The following RBFOX1 variants were observed in gnomAD, a reference collection of about 807,000 sequenced individuals.
RBFOX1 encodes the protein RNA binding protein fox-1 homolog 1.
Under a neutral mutation model 57.7 loss-of-function variants are expected in RBFOX1, and 8 were observed. That is an observed-to-expected ratio of 0.14 (90% CI 0.08 to 0.25). RBFOX1 has a LOEUF of 0.25. Ranked by LOEUF, RBFOX1 falls within the 10% of genes least tolerant of loss-of-function variation. RBFOX1 has a pLI of 1.00. For missense variants in RBFOX1, 611 were observed against 548.5 expected, an observed-to-expected ratio of 1.11 and a Z score of -1.14; for synonymous variants, 326 against 222.4, an observed-to-expected ratio of 1.47 and a Z score of -4.15.
chr16:5,255,895 C>G (rs913094045), intron 1 of RBFOX1, among the ~76,000 whole-genome samples: 2 of 151,892 alleles, frequency 1.3e-5, no homozygotes, highest in Non-Finnish European at 2.9e-5. Flanking sequence ...GTTACAGAAA[C>G]TGTGCTTTGA....
At chr16:7,509,153 T>A (rs2074277011) in intron 4 of RBFOX1, among the ~76,000 whole-genome samples, 1 of 152,156 alleles carries the variant, frequency 6.6e-6, no homozygotes, top group Admixed American at 6.5e-5. Flanking sequence ...CGATAAGCCA[T>A]GAAAAGACAA....
chr16:6,607,484 C>A (rs751335612), intron 2 of RBFOX1, among the ~76,000 whole-genome samples: 5 of 145,714 alleles, frequency 3.4e-5, no homozygotes, highest in Non-Finnish European at 7.5e-5. Context: ...TCTCTCCTTA[C>A]TCTTTCTTCC....
At chr16:7,568,899 A>AC (rs1252637011) in intron 5 of RBFOX1, among the ~76,000 whole-genome samples, 3 of 151,122 alleles carry the variant, frequency 2.0e-5, no homozygotes, top group Admixed American at 2.0e-4. Flanking sequence ...AAAAAAAAAA[A>AC]AAAAAAAGAA....
At chr16:7,624,739 G>A (rs377661457) in intron 10 of RBFOX1, among the ~76,000 whole-genome samples, 5 of 152,082 alleles carry the variant, frequency 3.3e-5, no homozygotes, top group Admixed American at 1.3e-4. Context: ...TCCTTTCCTC[G>A]GCTGAGTGAC....
At chr16:6,423,014 A>G (rs1401784643) in intron 2 of RBFOX1, among the ~76,000 whole-genome samples, 1 of 152,244 alleles carries the variant, frequency 6.6e-6, no homozygotes, top group Non-Finnish European at 1.5e-5. Context: ...GCTGCATAGT[A>G]TTCCATGCTG....
At chr16:7,467,954 T>C (rs77093072) in intron 4 of RBFOX1, among the ~76,000 whole-genome samples, 6,264 of 152,322 alleles carry the variant, frequency 0.041, 412 homozygotes, top group African/African-American at 0.14. Context: ...AACAGGTTAT[T>C]GCTAAGAGGG....
chr16:7,217,026 TCCCTCC>T (rs2092189249), intron 4 of RBFOX1, among the ~76,000 whole-genome samples: 1 of 39,600 alleles, frequency 2.5e-5, no homozygotes, highest in African/African-American at 7.7e-5. Context: ...CCTCCCTCCC[TCCCTCC>T]CTCCCTCCCT....
At chr16:6,366,117 G>A (rs969843866) in intron 2 of RBFOX1, among the ~76,000 whole-genome samples, 4 of 150,846 alleles carry the variant, frequency 2.7e-5, no homozygotes, top group Admixed American at 2.6e-4. Flanking sequence ...GTGTGTGTGT[G>A]TGTGTGTCTG....
At chr16:6,463,988 G>A (rs1310101377) in intron 2 of RBFOX1, among the ~76,000 whole-genome samples, 1 of 152,132 alleles carries the variant, frequency 6.6e-6, no homozygotes, top group African/African-American at 2.4e-5. Flanking sequence ...ACCAGAAAGA[G>A]GGGCTGACCA....
intron 3 of RBFOX1, among the ~76,000 whole-genome samples, chr16:5,639,907 G>C (rs1325291916): frequency 6.6e-6 from 1 of 152,160 alleles, no homozygotes; most frequent in African/African-American, 2.4e-5. Context: ...GCTAAAGCAT[G>C]AAACATTGTG....
intron 3 of RBFOX1, among the ~76,000 whole-genome samples, chr16:6,806,580 C>G (rs1003437870): frequency 2.6e-5 from 4 of 151,862 alleles, no homozygotes; most frequent in African/African-American, 4.8e-5. Context: ...AGAGCCTGAA[C>G]TAGTTCCCAG....
Position 6,477,808 on chromosome 16 carries a change from A to G in RBFOX1, c.-64+160751A>G, listed in dbSNP as rs116369680. 2.4e-3 allele frequency among the ~76,000 whole-genome samples: 370 copies of G among 152,300 alleles called. 1 individual carries two copies. The highest frequency in any genetic ancestry group is 8.3e-3 in the African/African-American group (346 of 41,572). On this transcript the variant is annotated intron_variant, in intron 2 of 15. Coordinates refer to ENST00000550418, the MANE Select transcript of RBFOX1 (RefSeq NM_018723.4). ...TGAAAATCTGTCATTTAGTGTAGCC[A>G]CCTTCGTCAGTGATCTTAGCTAGAT...
In RBFOX1 at chr16:5,369,043, C is replaced by T. The variant is rs1205149713; in HGVS notation, c.220-98173C>T. ...TTTGAGACGAGTCTTGCTCTGTTGC[C>T]CAGGCTGGAGTGCAGTGGCGCCATC... On this transcript the variant is annotated intron_variant, in intron 1 of 2. Coordinates refer to the RBFOX1 transcript ENST00000585867. Among the ~76,000 whole-genome samples, 8 of 152,238 alleles carry T rather than the reference C, an allele frequency of 5.3e-5. No individual in the cohort carries two copies. In the East Asian group the frequency reaches 1.5e-3, roughly 29 times the overall value.
intron 2 of RBFOX1, among the ~76,000 whole-genome samples, chr16:6,361,796 A>G (rs1326683274): frequency 2.6e-5 from 4 of 152,180 alleles, no homozygotes; most frequent in African/African-American, 9.7e-5. Flanking sequence ...GATATTTCTT[A>G]TCCACAGCCA....
At chr16:6,782,213 G>T (rs2081147355) in intron 3 of RBFOX1, among the ~76,000 whole-genome samples, 1 of 152,108 alleles carries the variant, frequency 6.6e-6, no homozygotes, top group African/African-American at 2.4e-5. Context: ...CGCCATGTTG[G>T]CCAGGGTGAT....
intron 4 of RBFOX1, among the ~76,000 whole-genome samples, chr16:7,489,264 A>C (rs2151473820): frequency 6.6e-6 from 1 of 152,312 alleles, no homozygotes; most frequent in Admixed American, 6.5e-5. Flanking sequence ...TGGTTGAGTA[A>C]TGTAAAAGCA....
chr16:5,555,876 C>T (rs1323919933), intron 2 of RBFOX1, among the ~76,000 whole-genome samples: 2 of 151,922 alleles, frequency 1.3e-5, no homozygotes, highest in Non-Finnish European at 2.9e-5. Flanking sequence ...ACAAAATTAG[C>T]CGGTCGTGGT....
At chr16:6,938,265 C>T (rs1452510290) in intron 3 of RBFOX1, among the ~76,000 whole-genome samples, 1 of 152,108 alleles carries the variant, frequency 6.6e-6, no homozygotes, top group Non-Finnish European at 1.5e-5. Flanking sequence ...TACAATAATG[C>T]TGCGCAGATC....
intron 4 of RBFOX1, among the ~76,000 whole-genome samples, chr16:7,200,727 G>T (rs1277991843): frequency 6.6e-6 from 1 of 152,148 alleles, no homozygotes; most frequent in Non-Finnish European, 1.5e-5. Flanking sequence ...TAGCAGAGAG[G>T]GATCCCCATT....
Sources: gnomAD v4.1 joint callset for allele counts (sites outside exome capture counted in the v4.1 genomes callset) on GRCh38, gnomAD v4.1.1 for gene constraint, MANE v1.5 for transcripts, NCBI Gene and HGNC (gene_info 2026-07-23, HGNC 2026-07-21) for gene names.